PRAG1: variants seen among roughly 807,000 people sequenced by gnomAD.
PRAG1 encodes the protein inactive tyrosine-protein kinase PRAG1.
PRAG1 carries 110 observed loss-of-function variants against 95.6 expected under a neutral mutation model. The observed-to-expected ratio is 1.15, with a 90% CI of 0.99 to 1.35. PRAG1 has a LOEUF of 1.35. PRAG1 is among the 40% of genes most tolerant of loss of function. The pLI is 0.00. For missense variants in PRAG1, 2,554 were observed against 1,864.7 expected (o/e 1.37, Z -6.81); for synonymous variants, 1,052 against 819.4 (o/e 1.28, Z -4.85).
rs200524453 is a variant in PRAG1, at chr8:8,376,974, C to T, written c.1435G>A (p.Ala479Thr). Reference sequence around the variant, plus strand: ...GTCCGATGGTCCTCTTCCGGGTGGGCCGCCATGACTGTGATGGTGGCTGAC... The same window carrying T: ...GTCCGATGGTCCTCTTCCGGGTGGGTCGCCATGACTGTGATGGTGGCTGAC... The part of the protein sequence containing the change: ...QVSATITVMA[A>T]HPEEDHRTIY... The change falls in exon 3 of 6, where the codon GCC becomes ACC. Residue 479 changes from alanine to threonine, a missense_variant. Physicochemically the swap from Ala to Thr is moderately conservative, Grantham distance 58. Coordinates refer to ENST00000615670, the MANE Select transcript of PRAG1 (RefSeq NM_001080826.3). The T allele has an allele frequency of 5.3e-5, 86 of 1,613,374 alleles. No individual in the cohort carries two copies. The highest frequency in any genetic ancestry group is 7.2e-5 in the Non-Finnish European group (85 of 1,179,922).
In PRAG1 at chr8:8,333,785, C is replaced by T. The variant is rs140637429; in HGVS notation, c.2321-5324G>A. On this transcript the variant is annotated intron_variant, in intron 4 of 5. Transcript: ENST00000615670. ...AGCGTCCCAACTAAGTCTCCCCAAA[C>T]GTTTAGCTTTTGTGTTTGACCATTC... is the stretch of plus-strand genomic sequence containing the variant. Among the ~76,000 whole-genome samples, 16 of 152,290 alleles carry T rather than the reference C, an allele frequency of 1.1e-4. No homozygotes were observed. The East Asian group carries it at 1.5e-3, about 15-fold the overall frequency.
Position 8,340,995 on chromosome 8 carries a change from G to T in PRAG1, c.2163-1360C>A, listed in dbSNP as rs145307992. Among the ~76,000 whole-genome samples, 52 of 152,324 alleles carry T rather than the reference G, an allele frequency of 3.4e-4. No individual in the cohort carries two copies. The East Asian group carries it at 9.2e-3, about 27-fold the overall frequency. ...TCTCCTGGCAAAATAAAATCAGACA[G>T]TTTCATACAATATTCTTATATCCAC... is the stretch of plus-strand genomic sequence containing the variant. On this transcript the variant is annotated intron_variant, in intron 3 of 5. Coordinates refer to ENST00000615670, the MANE Select transcript of PRAG1 (RefSeq NM_001080826.3).
At chr8:8,351,632 T>C (rs1045893361) in intron 3 of PRAG1, among the ~76,000 whole-genome samples, 2 of 152,234 alleles carry the variant, frequency 1.3e-5, no homozygotes, top group East Asian at 1.9e-4. Context: ...AATTTGTGTG[T>C]TCAAGAACTA....
In PRAG1 at chr8:8,319,201, C is replaced by T; in HGVS notation, c.3174G>A (p.Val1058=). 6.3e-7 allele frequency: 1 copy of T among 1,591,734 alleles called. No individual in the cohort carries two copies. The highest frequency in any genetic ancestry group is 1.7e-5 in the Admixed American group (1 of 58,338). ...QQDCGHFVAS[V]PSSMLSSPDA... is the part of the protein sequence containing the mutation. Reference sequence around the variant, plus strand: ...CGGGGGAGCTGAGCATGCTGGACGGCACCGAGGCGACGAAGTGGCCGCAGT... The same window carrying T: ...CGGGGGAGCTGAGCATGCTGGACGGTACCGAGGCGACGAAGTGGCCGCAGT... The change falls in exon 6 of 6, where the codon GTG becomes GTA. Residue 1058 remains valine, a synonymous_variant. Coordinates refer to ENST00000615670, the MANE Select transcript of PRAG1 (RefSeq NM_001080826.3).
At position 8,318,625 on chromosome 8, in the gene PRAG1, G is replaced by C. The variant is rs1366276876; in HGVS notation, c.3750C>G (p.Arg1250=). ...APEIVSASQY[R]KFDEFQTGIL... ...TGCCTGTCTGGAACTCATCGAACTT[G>C]CGGTACTGGGAAGCAGACACGATCT... is the stretch of plus-strand genomic sequence containing the variant. Residue 1250 remains arginine (R), a synonymous_variant, in exon 6 of 6, where the codon CGC becomes CGG. Transcript: ENST00000615670. This position sits in a 1 kb window ranked among gnomAD's most constrained non-coding sequence, Gnocchi z 4.2. The C allele has an allele frequency of 1.2e-6, 2 of 1,612,772 alleles. No individual in the cohort carries two copies. The highest frequency in any genetic ancestry group is 2.7e-5 in the African/African-American group (2 of 74,756).
intron 1 of PRAG1, among the ~76,000 whole-genome samples, chr8:8,384,969 A>G (rs1469718335): frequency 2.0e-5 from 3 of 152,244 alleles, no homozygotes; most frequent in Admixed American, 6.5e-5. Context: ...ACAGTTTGCA[A>G]GACTGAAGCT....
In PRAG1 at chr8:8,318,860, G is replaced by C; in HGVS notation, c.3515C>G (p.Pro1172Arg). 8.0e-7 allele frequency: 1 copy of C among 1,252,918 alleles called. No individual in the cohort carries two copies. The highest frequency in any genetic ancestry group is 1.0e-6 in the Non-Finnish European group (1 of 998,022). 77.6% of individuals were successfully genotyped at this position (1,252,918 alleles called of 1,614,324 possible). A position where few individuals can be genotyped will look rare whatever the true frequency, so the allele number is the denominator to read the frequency against. Residue 1172 changes from proline to arginine, a missense_variant, in exon 6 of 6, where the codon CCC becomes CGC. Transcript: ENST00000615670. This position sits in a 1 kb window ranked among gnomAD's most constrained non-coding sequence, Gnocchi z 4.2. The stretch of plus-strand genomic sequence containing the variant: ...GGGAGGCGCGGCGGCGGCGGGGGCG[G>C]GAGCCGGGGCGGGGGCGGGGGCGGG... ...PGPAPAPAPA[P>R]APAAAAPPCS...
At chr8:8,327,342 G>A (rs1243712252) in intron 5 of PRAG1, among the ~76,000 whole-genome samples, 1 of 152,126 alleles carries the variant, frequency 6.6e-6, no homozygotes, top group Non-Finnish European at 1.5e-5. Flanking sequence ...GGCCGAGGTG[G>A]GTGGATCATC....
chr8:8,320,425 C>T (rs1440538309), intron 5 of PRAG1, among the ~76,000 whole-genome samples: 1 of 152,156 alleles, frequency 6.6e-6, no homozygotes, highest in Non-Finnish European at 1.5e-5. Flanking sequence ...GTACAAATGG[C>T]AGTGCCAGCC....
intron 4 of PRAG1, among the ~76,000 whole-genome samples, chr8:8,336,790 G>C (rs1798995999): frequency 6.6e-6 from 1 of 151,628 alleles, no homozygotes; most frequent in Non-Finnish European, 1.5e-5. Flanking sequence ...GTGGCATTTT[G>C]CCACTGAAAC....
chr8:8,338,828 G>A (rs1799074261), intron 4 of PRAG1, among the ~76,000 whole-genome samples: 1 of 152,178 alleles, frequency 6.6e-6, no homozygotes, highest in Admixed American at 6.5e-5. Flanking sequence ...TAAGAGAAAC[G>A]CAGGAGAGGA....
At chr8:8,366,119 CTG>C (rs2116904268) in intron 3 of PRAG1, among the ~76,000 whole-genome samples, 1 of 152,120 alleles carries the variant, frequency 6.6e-6, no homozygotes, top group African/African-American at 2.4e-5. Flanking sequence ...TTAATAGTAA[CTG>C]TTATTTACTA....
At chr8:8,346,737 T>G (rs897556539) in intron 3 of PRAG1, among the ~76,000 whole-genome samples, 32 of 152,334 alleles carry the variant, frequency 2.1e-4, no homozygotes, top group African/African-American at 7.5e-4. Flanking sequence ...TCTCACACTT[T>G]CCATGGCTGT....
chr8:8,380,784 CAG>C, intron 2 of PRAG1, among the ~76,000 whole-genome samples: 1 of 135,518 alleles, frequency 7.4e-6, no homozygotes, highest in African/African-American at 2.9e-5. Flanking sequence ...ACCAGGGAGT[CAG>C]AGATTGCAGT....
At chr8:8,385,052 A>G (rs1430494444) in intron 1 of PRAG1, among the ~76,000 whole-genome samples, 1 of 152,208 alleles carries the variant, frequency 6.6e-6, no homozygotes, top group African/African-American at 2.4e-5. Flanking sequence ...AAGATTAAAT[A>G]TTTTGGCCCA....
At position 8,328,167 on chromosome 8, in the gene PRAG1, T is replaced by C; in HGVS notation, c.2615A>G (p.His872Arg). Residue 872 changes from histidine (H) to arginine (R), a missense_variant, in exon 5 of 6, where the codon CAC becomes CGC. Physicochemically the swap from His to Arg is conservative, Grantham distance 29. Transcript: ENST00000615670. ...FSYSLSPGNR[H>R]HPVFSSSDPL... ...ATCGGAAGAGGAGAAGACAGGATGG[T>C]GGCGGTTCCCGGGGCTCAACGAATA... 1.2e-6 allele frequency: 2 copies of C among 1,614,114 alleles called. No homozygotes were observed. Among genetic ancestry groups the C allele is most frequent in the Non-Finnish European group, 1.7e-6 (2 of 1,180,008 alleles).
intron 3 of PRAG1, among the ~76,000 whole-genome samples, chr8:8,373,655 G>C (rs1038694010): frequency 1.4e-4 from 22 of 152,076 alleles, no homozygotes; most frequent in African/African-American, 5.3e-4. Flanking sequence ...GTTTCACCAT[G>C]TTGCCCAGGT....
chr8:8,378,185 G>A, intron 2 of PRAG1, 107 bp from the exon 3 acceptor site: 1 of 1,325,426 alleles, frequency 7.5e-7, no homozygotes. Context: ...AATGTCTTCT[G>A]TAGTGCAGTG....
intron 4 of PRAG1, among the ~76,000 whole-genome samples, chr8:8,333,222 T>G (rs1798878078): frequency 6.6e-6 from 1 of 152,214 alleles, no homozygotes; most frequent in Non-Finnish European, 1.5e-5. Flanking sequence ...TTGCCTCATT[T>G]GTTGGTTTTT....
Sources: allele counts gnomAD v4.1 joint callset (sites outside exome capture counted in the v4.1 genomes callset), GRCh38; gene constraint gnomAD v4.1.1; non-coding constraint Gnocchi (gnomAD v3.1); transcripts MANE v1.5; gene names NCBI Gene and HGNC (gene_info 2026-07-23, HGNC 2026-07-21).